Variants in SLC35F4 observed in about 807,000 individuals in gnomAD.
SLC35F4 encodes chromosome 14 open reading frame 36.
Under a neutral mutation model 44.2 loss-of-function variants are expected in SLC35F4, and 24 were observed. The observed-to-expected ratio is 0.54, with a 90% CI of 0.39 to 0.76. The LOEUF (loss-of-function observed/expected upper bound fraction) is 0.76, where lower values mean the gene tolerates loss of function less well. SLC35F4 is among the 30% of genes least tolerant of loss of function. The pLI, the probability that SLC35F4 is intolerant of heterozygous loss-of-function variation, is 0.00. For synonymous variants in SLC35F4, 238 were observed against 223.6 expected, an observed-to-expected ratio of 1.06 and a Z score of -0.57; for missense variants, 562 against 586.1, an observed-to-expected ratio of 0.96 and a Z score of 0.42.
intron 1 of SLC35F4, among the ~76,000 whole-genome samples, chr14:57,695,155 C>A (rs929482533): frequency 5.8e-4 from 88 of 152,148 alleles, no homozygotes; most frequent in African/African-American, 1.9e-3. Flanking sequence ...GCAACAAAAG[C>A]CAAAATTGAC....
At chr14:57,696,953 A>G (rs1228419928) in intron 1 of SLC35F4, among the ~76,000 whole-genome samples, 1 of 152,168 alleles carries the variant, frequency 6.6e-6, no homozygotes, top group Non-Finnish European at 1.5e-5. Flanking sequence ...GAGCATTAGG[A>G]CAAATACTTA....
intron 1 of SLC35F4, among the ~76,000 whole-genome samples, chr14:57,676,088 G>GA: frequency 6.6e-6 from 1 of 152,056 alleles, no homozygotes; most frequent in Non-Finnish European, 1.5e-5. Context: ...CTACTATGCA[G>GA]AATCTACAAG....
At chr14:57,876,211 A>G (rs1394735220) in intron 1 of SLC35F4, among the ~76,000 whole-genome samples, 1 of 152,210 alleles carries the variant, frequency 6.6e-6, no homozygotes, top group Non-Finnish European at 1.5e-5. Context: ...TAAGTTTCAC[A>G]TAGCAGGGCT....
chr14:57,746,975 T>C (rs2140539786), intron 1 of SLC35F4, among the ~76,000 whole-genome samples: 1 of 152,332 alleles, frequency 6.6e-6, no homozygotes, highest in East Asian at 1.9e-4. Context: ...GAAAGAAACC[T>C]GGAAGAAATC....
At chr14:57,622,728 G>A (rs2072255475) in intron 1 of SLC35F4, among the ~76,000 whole-genome samples, 1 of 152,094 alleles carries the variant, frequency 6.6e-6, no homozygotes, top group African/African-American at 2.4e-5. Context: ...TAGATGACGA[G>A]TTAGTGGGTG....
chr14:57,978,924 T>C lies in SLC35F4; in HGVS notation n.152-1967A>G, dbSNP rs537725362. 2.0e-5 allele frequency among the ~76,000 whole-genome samples: 3 copies of C among 152,338 alleles called. No homozygotes were observed. In the South Asian group the frequency reaches 6.2e-4, roughly 32 times the overall value. Reference sequence around the variant, plus strand: ...CTGTATTGGTGGAAGTGAGTAGTCCTCATTGCCAGAAAGAGCAAGGTTGCT... The same window carrying C: ...CTGTATTGGTGGAAGTGAGTAGTCCCCATTGCCAGAAAGAGCAAGGTTGCT... On this transcript the variant is annotated intron_variant and non_coding_transcript_variant, in intron 1 of 1. Coordinates refer to the SLC35F4 transcript ENST00000554648.
At chr14:57,832,756 C>A (rs1159047219) in intron 1 of SLC35F4, among the ~76,000 whole-genome samples, 1 of 123,722 alleles carries the variant, frequency 8.1e-6, no homozygotes, top group Non-Finnish European at 1.6e-5. Context: ...AACACAAATT[C>A]CCTATACATT....
Position 57,678,514 on chromosome 14 carries a change from T to C in SLC35F4, c.104-84390A>G, listed in dbSNP as rs202166818. ...ATAATGGGAGGATCAAATTAACACATAACAATATTACCCTTAAATGTAAAT... is the reference window on the plus strand; with the variant it reads ...ATAATGGGAGGATCAAATTAACACACAACAATATTACCCTTAAATGTAAAT... On this transcript the variant is annotated intron_variant, in intron 1 of 7. Transcript: ENST00000556826. Among the ~76,000 whole-genome samples the C allele has an allele frequency of 4.6e-5, 7 of 152,036 alleles. No individual in the cohort carries two copies. The East Asian group carries it at 5.8e-4, about 13-fold the overall frequency.
rs529927946 is a variant in SLC35F4 at position 57,621,549 on chromosome 14, G to C, written c.104-27425C>G. ...ACTATCTGATCTTTGACAAACCTGA[G>C]AAAAACAAGCAATGGGAAAGGATTC... On this transcript the variant is annotated intron_variant, in intron 1 of 7. Coordinates refer to ENST00000556826, the MANE Select transcript of SLC35F4 (RefSeq NM_001306087.2). 1.0e-3 allele frequency among the ~76,000 whole-genome samples: 153 copies of C among 152,220 alleles called. 2 individuals carry two copies. The highest frequency in any genetic ancestry group is 9.1e-3 in the Admixed American group (139 of 15,286).
intron 1 of SLC35F4, among the ~76,000 whole-genome samples, chr14:57,936,277 A>T (rs1889794207): frequency 6.6e-6 from 1 of 152,228 alleles, no homozygotes; most frequent in Non-Finnish European, 1.5e-5. Context: ...TGTTATAGCT[A>T]TACAAAAAGG....
intron 1 of SLC35F4, among the ~76,000 whole-genome samples, chr14:57,689,270 C>T (rs2075157117): frequency 6.6e-6 from 1 of 152,132 alleles, no homozygotes; most frequent in African/African-American, 2.4e-5. Context: ...GTCTTACCCC[C>T]AGGCCATTCA....
At chr14:57,796,759 T>A (rs1206380147) in intron 1 of SLC35F4, among the ~76,000 whole-genome samples, 3 of 152,286 alleles carry the variant, frequency 2.0e-5, no homozygotes, top group Admixed American at 6.5e-5. Flanking sequence ...AGGAAACCAA[T>A]GAAGCAGTTA....
chr14:57,875,776 G>C (rs144255568), intron 1 of SLC35F4, among the ~76,000 whole-genome samples: 5 of 152,190 alleles, frequency 3.3e-5, no homozygotes, highest in Non-Finnish European at 7.3e-5. Context: ...GATTGATTAG[G>C]TGGAGAAATG....
intron 1 of SLC35F4, among the ~76,000 whole-genome samples, chr14:57,744,228 T>C (rs1055374748): frequency 6.6e-5 from 10 of 151,984 alleles, no homozygotes; most frequent in African/African-American, 2.4e-4. Flanking sequence ...CTGGCCAGGG[T>C]AATCAGGCAG....
intron 1 of SLC35F4, among the ~76,000 whole-genome samples, chr14:57,748,191 G>C (rs774789330): frequency 3.5e-4 from 54 of 152,248 alleles, no homozygotes; most frequent in Admixed American, 5.2e-4. Flanking sequence ...AAACTGTCTT[G>C]AGTTTTTCAC....
chr14:57,880,904 C>T (rs10149735), intron 1 of SLC35F4, among the ~76,000 whole-genome samples: 12,548 of 152,132 alleles, frequency 0.082, 746 homozygotes, highest in African/African-American at 0.17. Flanking sequence ...CTAAAGGATT[C>T]GTTCATAAAG....
At chr14:57,719,652 T>C (rs1333820351) in intron 1 of SLC35F4, among the ~76,000 whole-genome samples, 2 of 152,110 alleles carry the variant, frequency 1.3e-5, no homozygotes, top group East Asian at 1.9e-4. Context: ...GATTTTTGTA[T>C]GTTAACTTTG....
At chr14:57,773,438 T>C (rs2077415518) in intron 1 of SLC35F4, among the ~76,000 whole-genome samples, 1 of 152,182 alleles carries the variant, frequency 6.6e-6, no homozygotes, top group African/African-American at 2.4e-5. Flanking sequence ...AGTAAACAGT[T>C]AAGTGTTACA....
At chr14:57,647,898 G>A (rs55747181) in intron 1 of SLC35F4, among the ~76,000 whole-genome samples, 49,344 of 151,856 alleles carry the variant, frequency 0.32, 8,090 homozygotes, top group East Asian at 0.48. Context: ...CAGAATCCCC[G>A]CTACCCTGAT....
Sources: gnomAD v4.1 joint callset for allele counts (sites outside exome capture counted in the v4.1 genomes callset) on GRCh38, gnomAD v4.1.1 for gene constraint, MANE v1.5 for transcripts, NCBI Gene and HGNC (gene_info 2026-07-23, HGNC 2026-07-21) for gene names.